Variants in POU2F3 observed in about 807,000 individuals in gnomAD.
POU2F3 encodes POU class 2 homeobox 3.
Under a neutral mutation model 59.2 loss-of-function variants are expected in POU2F3, and 23 were observed. The observed-to-expected ratio is 0.39, with a 90% CI of 0.28 to 0.55. The LOEUF is 0.55. POU2F3 is among the 20% of genes least tolerant of loss of function. The pLI is 0.66. For missense variants in POU2F3, 473 were observed against 544.5 expected, an observed-to-expected ratio of 0.87 and a Z score of 1.31; for synonymous variants, 190 against 214.6, an observed-to-expected ratio of 0.89 and a Z score of 1.00.
chr11:120,253,814 C>T (rs551664316), intron 2 of POU2F3, among the ~76,000 whole-genome samples: 2 of 152,288 alleles, frequency 1.3e-5, no homozygotes, highest in East Asian at 1.9e-4. Context: ...CTGTGGCCTC[C>T]GTGAGCAATG....
At chr11:120,310,166 T>C (rs1256759534) in intron 10 of POU2F3, among the ~76,000 whole-genome samples, 1 of 152,060 alleles carries the variant, frequency 6.6e-6, no homozygotes, top group Non-Finnish European at 1.5e-5. Context: ...AGAATGACAA[T>C]GGTCAGGCTG....
chr11:120,291,463 A>G (rs906812515), intron 3 of POU2F3, among the ~76,000 whole-genome samples: 2 of 152,236 alleles, frequency 1.3e-5, no homozygotes, highest in African/African-American at 4.8e-5. Context: ...GGTGATGTCT[A>G]TATTTCCTTC....
rs954164985 is a variant in POU2F3, at chr11:120,285,232, A to G, written c.133-13033A>G. Among the ~76,000 whole-genome samples the G allele has an allele frequency of 6.6e-6, 1 of 152,210 alleles. No homozygotes were observed. Among genetic ancestry groups the G allele is most frequent in the African/African-American group, 2.4e-5 (1 of 41,456 alleles). ...GATTCCAGTACGACCTATGCCTCAT[A>G]TACCAATTCTGCTGACACCCCTGTC... On this transcript the variant is annotated intron_variant, in intron 3 of 12. Coordinates refer to ENST00000543440, the MANE Select transcript of POU2F3 (RefSeq NM_014352.4). This position sits in a 1 kb window ranked among gnomAD's most constrained non-coding sequence, Gnocchi z 4.3.
At chr11:120,236,694 T>C, upstream of POU2F3, 1 of 1,503,502 alleles carries the variant, frequency 6.7e-7, no homozygotes, top group Non-Finnish European at 8.9e-7. Flanking sequence ...CAAGAACTGC[T>C]AAAGGAGGAA....
chr11:120,312,759 G>A (rs551706376), intron 10 of POU2F3, among the ~76,000 whole-genome samples: 15 of 152,152 alleles, frequency 9.9e-5, no homozygotes, highest in African/African-American at 3.1e-4. Flanking sequence ...TGTGATGAAG[G>A]CTTCAGAGAA....
At chr11:120,264,930 G>A (rs917812337) in intron 2 of POU2F3, among the ~76,000 whole-genome samples, 5 of 152,200 alleles carry the variant, frequency 3.3e-5, no homozygotes, top group African/African-American at 1.2e-4. Context: ...TGGGAAAGAG[G>A]AGTACCTTCA....
intron 3 of POU2F3, among the ~76,000 whole-genome samples, chr11:120,274,336 GC>G (rs1221754778): frequency 6.6e-6 from 1 of 152,098 alleles, no homozygotes; most frequent in African/African-American, 2.4e-5. Context: ...ATGATATGTA[GC>G]TAACTCTTAG....
intron 1 of POU2F3, among the ~76,000 whole-genome samples, chr11:120,241,301 T>A (rs917459414): frequency 2.0e-5 from 3 of 152,196 alleles, no homozygotes; most frequent in African/African-American, 7.2e-5. Flanking sequence ...GATGGGAATG[T>A]TGTTACCTGG....
chr11:120,288,184 A>T (rs1259099457), intron 3 of POU2F3, among the ~76,000 whole-genome samples: 1 of 151,092 alleles, frequency 6.6e-6, no homozygotes, highest in Non-Finnish European at 1.5e-5. Flanking sequence ...ATACAGTACT[A>T]CAGCCAACAG....
chr11:120,313,573 T>C (rs1008325302), intron 10 of POU2F3, among the ~76,000 whole-genome samples: 1 of 152,138 alleles, frequency 6.6e-6, no homozygotes, highest in African/African-American at 2.4e-5. Flanking sequence ...AAAGGCAAAA[T>C]GGTGCAGATC....
intron 11 of POU2F3, among the ~76,000 whole-genome samples, chr11:120,315,945 T>C (rs1941775144): frequency 7.0e-6 from 1 of 142,248 alleles, no homozygotes; most frequent in Non-Finnish European, 1.5e-5. Flanking sequence ...CGATCTCAGC[T>C]CACCACACCC....
upstream of POU2F3, among the ~76,000 whole-genome samples, chr11:120,239,951 G>T (rs914558533): frequency 2.0e-5 from 3 of 152,262 alleles, no homozygotes; most frequent in Non-Finnish European, 4.4e-5. Context: ...GGTGCTGCCA[G>T]GCTGGGTTGG....
chr11:120,259,928 A>T (rs1939518413), intron 2 of POU2F3, among the ~76,000 whole-genome samples: 1 of 152,228 alleles, frequency 6.6e-6, no homozygotes, highest in Admixed American at 6.5e-5. Context: ...GGGCTGGTTT[A>T]AATGACCACG....
At chr11:120,268,952 C>A (rs1001687435) in intron 2 of POU2F3, among the ~76,000 whole-genome samples, 1 of 152,194 alleles carries the variant, frequency 6.6e-6, no homozygotes, top group Admixed American at 6.5e-5. Context: ...TCCCCACAGA[C>A]TCTGATTTGC....
chr11:120,259,730 G>A (rs543001151), intron 2 of POU2F3, among the ~76,000 whole-genome samples: 13 of 152,296 alleles, frequency 8.5e-5, no homozygotes, highest in Admixed American at 2.6e-4. Context: ...TGAAGGCTAC[G>A]GAGATTAAGC....
intron 3 of POU2F3, among the ~76,000 whole-genome samples, chr11:120,274,969 C>G (rs943218058): frequency 2.6e-5 from 4 of 152,082 alleles, no homozygotes; most frequent in Non-Finnish European, 5.9e-5. Context: ...GAGTCTGAAG[C>G]CTAAAAGTTG....
At chr11:120,260,653 G>A (rs1202591637) in intron 2 of POU2F3, among the ~76,000 whole-genome samples, 3 of 152,294 alleles carry the variant, frequency 2.0e-5, no homozygotes, top group African/African-American at 4.8e-5. Flanking sequence ...CTGCAGCTTG[G>A]CTTCTCACTG....
At chr11:120,258,972 G>A (rs1939478892) in intron 2 of POU2F3, 2 of 152,240 alleles carry the variant, frequency 1.3e-5, no homozygotes, top group Non-Finnish European at 2.9e-5. Context: ...AGACCTTGCT[G>A]AGGAACCTTC....
chr11:120,300,986 A>G, intron 5 of POU2F3: 1 of 454,046 alleles, frequency 2.2e-6, no homozygotes, highest in East Asian at 7.0e-5. Context: ...TGGTTAAAAA[A>G]TAAACATCAT....
Sources: allele counts gnomAD v4.1 joint callset (sites outside exome capture counted in the v4.1 genomes callset), GRCh38; gene constraint gnomAD v4.1.1; non-coding constraint Gnocchi (gnomAD v3.1); transcripts MANE v1.5; gene names NCBI Gene and HGNC (gene_info 2026-07-23, HGNC 2026-07-21).